TBC1D5: variants seen among roughly 807,000 people sequenced by gnomAD.
TBC1D5 encodes TBC1 domain family, member 5.
In TBC1D5, 75 loss-of-function variants were observed where a neutral mutation model predicts 100.3. The observed-to-expected ratio is 0.75, with a 90% confidence interval of 0.62 to 0.91. The LOEUF is 0.91. Ranked by LOEUF, TBC1D5 falls within the 40% of genes least tolerant of loss-of-function variation. The pLI is 0.00. For missense variants in TBC1D5, 910 were observed against 942.4 expected (o/e 0.97, Z 0.45); for synonymous variants, 323 against 325.6 (o/e 0.99, Z 0.09).
intron 3 of TBC1D5, among the ~76,000 whole-genome samples, chr3:17,508,009 A>G (rs554120607): frequency 6.6e-6 from 1 of 152,054 alleles, no homozygotes; most frequent in South Asian, 2.1e-4. Context: ...ACAAATTTCA[A>G]TTACTTTAAA....
intron 1 of TBC1D5, among the ~76,000 whole-genome samples, chr3:17,706,611 T>A (rs1438368421): frequency 1.3e-5 from 2 of 152,146 alleles, no homozygotes; most frequent in East Asian, 3.8e-4. Context: ...TTGCAAATAT[T>A]AGCAAGAAAA....
At chr3:17,437,562 A>ATG (rs60714048) in intron 3 of TBC1D5, among the ~76,000 whole-genome samples, 2,136 of 140,004 alleles carry the variant, frequency 0.015, 26 homozygotes, top group South Asian at 0.075. Context: ...GGTAGTATGC[A>ATG]TGTGTGTGTG....
chr3:17,296,345 A>G (rs951011208), intron 14 of TBC1D5, among the ~76,000 whole-genome samples: 11 of 152,356 alleles, frequency 7.2e-5, no homozygotes, highest in African/African-American at 2.6e-4. Flanking sequence ...TAGAGAAAAC[A>G]TTCAATAAAT....
chr3:17,489,993 GC>G (rs1351708741), intron 3 of TBC1D5, among the ~76,000 whole-genome samples: 13 of 152,234 alleles, frequency 8.5e-5, no homozygotes, highest in African/African-American at 2.9e-4. Context: ...CTTCTCCACA[GC>G]CTCATCAGCA....
chr3:17,324,407 C>T (rs1045964837), intron 13 of TBC1D5, among the ~76,000 whole-genome samples: 18 of 152,108 alleles, frequency 1.2e-4, no homozygotes, highest in Middle Eastern at 3.2e-3. Flanking sequence ...TTTGGGAGGC[C>T]GCGGCAGGCG....
At chr3:17,703,525 TATC>T (rs2073503376) in intron 1 of TBC1D5, among the ~76,000 whole-genome samples, 1 of 152,174 alleles carries the variant, frequency 6.6e-6, no homozygotes, top group Admixed American at 6.5e-5. Context: ...CAAAATTCTT[TATC>T]ATAAGATGTG....
At chr3:17,651,889 G>T (rs1175920990) in intron 1 of TBC1D5, among the ~76,000 whole-genome samples, 1 of 151,978 alleles carries the variant, frequency 6.6e-6, no homozygotes, top group African/African-American at 2.4e-5. Context: ...GAGGTTCAAG[G>T]TCCCCTGATT....
chr3:17,513,470 T>C (rs2095940460), intron 2 of TBC1D5, among the ~76,000 whole-genome samples: 1 of 152,224 alleles, frequency 6.6e-6, no homozygotes, highest in African/African-American at 2.4e-5. Context: ...GCAGAACCTC[T>C]AGAAATGAAT....
chr3:17,487,823 T>C (rs943648107), intron 3 of TBC1D5, among the ~76,000 whole-genome samples: 11 of 152,088 alleles, frequency 7.2e-5, no homozygotes, highest in African/African-American at 2.4e-4. Flanking sequence ...ATTAATAGAT[T>C]TTATTATTTT....
At chr3:17,331,510 T>C (rs576724457) in intron 13 of TBC1D5, among the ~76,000 whole-genome samples, 59 of 152,322 alleles carry the variant, frequency 3.9e-4, no homozygotes, top group Non-Finnish European at 6.2e-4. Flanking sequence ...CAATGACTGT[T>C]TGCATGAGAT....
intron 2 of TBC1D5, among the ~76,000 whole-genome samples, chr3:17,540,314 TG>T (rs1264691811): frequency 3.3e-5 from 5 of 152,260 alleles, no homozygotes; most frequent in Admixed American, 2.6e-4. Context: ...CAGTGTCTTT[TG>T]ATTAACAAAG....
At chr3:17,486,718 T>C (rs1041127733) in intron 3 of TBC1D5, among the ~76,000 whole-genome samples, 1 of 152,170 alleles carries the variant, frequency 6.6e-6, no homozygotes, top group Non-Finnish European at 1.5e-5. Context: ...ACTGTGGCAT[T>C]TTAAGTAGCC....
chr3:17,323,014 A>G (rs1423193741), intron 13 of TBC1D5, among the ~76,000 whole-genome samples: 2 of 152,236 alleles, frequency 1.3e-5, no homozygotes, highest in East Asian at 3.8e-4. Context: ...AAGTATCAAA[A>G]ATATCAAATA....
chr3:17,185,775 C>G (rs773204764), intron 18 of TBC1D5, among the ~76,000 whole-genome samples: 2 of 151,980 alleles, frequency 1.3e-5, no homozygotes, highest in Non-Finnish European at 2.9e-5. Flanking sequence ...TGTGAGATTT[C>G]CTAAAGCGCT....
intron 3 of TBC1D5, among the ~76,000 whole-genome samples, chr3:17,475,781 A>C (rs1303226252): frequency 2.0e-5 from 3 of 152,124 alleles, no homozygotes; most frequent in Admixed American, 6.5e-5. Flanking sequence ...GCAGATATGC[A>C]ATAGTTTCCC....
rs554509037 is a variant in TBC1D5 at position 17,181,975 on chromosome 3, C to T, written c.1852+3134G>A. Among the ~76,000 whole-genome samples, 86 of 152,026 alleles carry T rather than the reference C, an allele frequency of 5.7e-4. 1 individual carries two copies. Among genetic ancestry groups the T allele is most frequent in the Middle Eastern group, 6.8e-3 (2 of 294 alleles). ...ACCTTAGTCCTTCCAATTTTGTTCT[C>T]CTTTAATAATGAGAAAGAGAAACAC... is the stretch of plus-strand genomic sequence containing the variant. On this transcript the variant is annotated intron_variant, in intron 19 of 21. Transcript: ENST00000253692.
chr3:17,317,777 T>C (rs2084879504), intron 13 of TBC1D5, among the ~76,000 whole-genome samples: 1 of 152,220 alleles, frequency 6.6e-6, no homozygotes, highest in African/African-American at 2.4e-5. Context: ...ACTACCACAT[T>C]TGGACTGTAA....
chr3:17,711,112 C>T (rs1346604734), intron 1 of TBC1D5, among the ~76,000 whole-genome samples: 1 of 152,042 alleles, frequency 6.6e-6, no homozygotes, highest in Non-Finnish European at 1.5e-5. Context: ...TAAAATGATA[C>T]TAGAGTTTGG....
chr3:17,369,431 C>T (rs965370343), intron 13 of TBC1D5, among the ~76,000 whole-genome samples: 1 of 152,036 alleles, frequency 6.6e-6, no homozygotes, highest in African/African-American at 2.4e-5. Flanking sequence ...CTCACAGGCA[C>T]CCTATGAAGT....
Sources: allele counts gnomAD v4.1 joint callset (sites outside exome capture counted in the v4.1 genomes callset), GRCh38; gene constraint gnomAD v4.1.1; transcripts MANE v1.5; gene names NCBI Gene and HGNC (gene_info 2026-07-23, HGNC 2026-07-21).